COLEC10: variants seen among roughly 807,000 people sequenced by gnomAD.
COLEC10 encodes the protein collectin-10.
COLEC10 carries 22 observed loss-of-function variants against 28.4 expected under a neutral mutation model. The ratio of observed to expected loss-of-function variants is 0.78; its 90% CI spans 0.55 to 1.11. The LOEUF (loss-of-function observed/expected upper bound fraction) is 1.11, where lower values mean the gene tolerates loss of function less well. Among genes scored for constraint, COLEC10 ranks in the 50% least tolerant of loss-of-function variants. COLEC10 has a pLI of 0.00. For synonymous variants in COLEC10, 125 were observed against 116.1 expected, an observed-to-expected ratio of 1.08 and a Z score of -0.49; for missense variants, 361 against 344.1, an observed-to-expected ratio of 1.05 and a Z score of -0.39.
At chr8:119,032,004 G>A (rs1189409379) in intron 2 of COLEC10, among the ~76,000 whole-genome samples, 2 of 152,156 alleles carry the variant, frequency 1.3e-5, no homozygotes, top group African/African-American at 4.8e-5. Context: ...AAAAACCTGT[G>A]AGGTAAATAC....
chr8:119,069,639 T>A (rs1215295681), intron 1 of COLEC10, among the ~76,000 whole-genome samples: 1,474 of 57,266 alleles, frequency 0.026, 19 homozygotes, highest in African/African-American at 0.049. Context: ...AATATATATA[T>A]ATATATATAT....
intron 2 of COLEC10, among the ~76,000 whole-genome samples, chr8:119,059,619 G>A (rs1392737764): frequency 6.6e-6 from 1 of 151,992 alleles, no homozygotes; most frequent in South Asian, 2.1e-4. Context: ...AAAGTTGGTG[G>A]ATTTTCTTGC....
the COLEC10 span, among the ~76,000 whole-genome samples, chr8:118,952,991 C>T: frequency 6.6e-6 from 1 of 152,158 alleles, no homozygotes; most frequent in Non-Finnish European, 1.5e-5. Context: ...TATATGTCTC[C>T]AGAGAAGGGC....
chr8:119,076,865 A>G (rs1006446756), intron 1 of COLEC10, among the ~76,000 whole-genome samples: 2 of 152,232 alleles, frequency 1.3e-5, no homozygotes, highest in African/African-American at 4.8e-5. Flanking sequence ...CATATGTCCA[A>G]TGGGAAGTTG....
chr8:118,960,141 T>C, the COLEC10 span, among the ~76,000 whole-genome samples: 1 of 151,752 alleles, frequency 6.6e-6, no homozygotes, highest in Admixed American at 6.6e-5. Context: ...GGATAAGAGT[T>C]GGGGGTAGGG....
chr8:118,997,254 G>A (rs750208964), intron 1 of COLEC10, among the ~76,000 whole-genome samples: 2 of 151,988 alleles, frequency 1.3e-5, no homozygotes, highest in Non-Finnish European at 2.9e-5. Context: ...CAATTACTTA[G>A]GTCATATTTT....
At chr8:119,001,544 G>A (rs142193635) in intron 1 of COLEC10, among the ~76,000 whole-genome samples, 2 of 152,218 alleles carry the variant, frequency 1.3e-5, no homozygotes, top group African/African-American at 2.4e-5. Flanking sequence ...CAGTGATGTG[G>A]CAACTATAAT....
intron 1 of COLEC10, among the ~76,000 whole-genome samples, chr8:118,999,079 T>A: frequency 6.6e-6 from 1 of 152,040 alleles, no homozygotes; most frequent in East Asian, 1.9e-4. Context: ...GTGTCCAAGG[T>A]CACACAGTAT....
chr8:119,020,672 A>G (rs1030454779), intron 2 of COLEC10, among the ~76,000 whole-genome samples: 1 of 152,196 alleles, frequency 6.6e-6, no homozygotes, highest in African/African-American at 2.4e-5. Flanking sequence ...TATCATGGAC[A>G]CAAATATCAG....
At chr8:119,095,692 A>G (rs901910610) in intron 3 of COLEC10, among the ~76,000 whole-genome samples, 2 of 152,190 alleles carry the variant, frequency 1.3e-5, no homozygotes, top group African/African-American at 2.4e-5. Context: ...ACAGAGTGAG[A>G]TTCTATCTCA....
At position 119,091,230 on chromosome 8, in the gene COLEC10, A is replaced by G; in HGVS notation, c.292+10A>G. ...CCCATTGGGAAGAAGGGTAAGTTGC[A>G]TCTTACTATTCTCCAGTAGCAATTC... On this transcript the variant is annotated intron_variant, in intron 3 of 5. Transcript: ENST00000332843. 1.2e-6 allele frequency: 2 copies of G among 1,606,614 alleles called. No individual in the cohort carries two copies. The highest frequency in any genetic ancestry group is 1.7e-6 in the Non-Finnish European group (2 of 1,173,888).
At chr8:118,966,391 C>A in the COLEC10 span, among the ~76,000 whole-genome samples, 2 of 152,034 alleles carry the variant, frequency 1.3e-5, no homozygotes, top group Non-Finnish European at 2.9e-5. Flanking sequence ...CCTACTGTAA[C>A]AACAACGAAA....
At chr8:118,989,578 C>CACACACACACA in the COLEC10 span, among the ~76,000 whole-genome samples, 1 of 139,180 alleles carries the variant, frequency 7.2e-6, no homozygotes, top group African/African-American at 3.2e-5. Context: ...CACACACACA[C>CACACACACACA]CCCTACCTAC....
intron 1 of COLEC10, among the ~76,000 whole-genome samples, chr8:119,088,036 A>C (rs890715966): frequency 6.6e-6 from 1 of 152,118 alleles, no homozygotes; most frequent in Non-Finnish European, 1.5e-5. Context: ...AATCTACAGG[A>C]GGATCACTTG....
intron 1 of COLEC10, among the ~76,000 whole-genome samples, chr8:119,007,908 T>C (rs1813833401): frequency 6.6e-6 from 1 of 150,800 alleles, no homozygotes; most frequent in South Asian, 2.1e-4. Context: ...TCTTCATAGG[T>C]TTTCATGAGA....
intron 2 of COLEC10, among the ~76,000 whole-genome samples, chr8:119,031,745 A>T (rs1814292607): frequency 6.6e-6 from 1 of 152,216 alleles, no homozygotes; most frequent in African/African-American, 2.4e-5. Flanking sequence ...TTTAATAATT[A>T]GTTCAAAGGA....
At chr8:119,100,491 T>C (rs1453200130) in intron 3 of COLEC10, among the ~76,000 whole-genome samples, 1 of 152,216 alleles carries the variant, frequency 6.6e-6, no homozygotes, top group Non-Finnish European at 1.5e-5. Context: ...ATAAGGAATT[T>C]GCAGGATATA....
chr8:119,108,021 A>G lies in COLEC10; in HGVS notation c.*1830A>G, dbSNP rs1196290051. Among the ~76,000 whole-genome samples the G allele has an allele frequency of 6.6e-6, 1 of 152,212 alleles. No homozygotes were observed. Among genetic ancestry groups the G allele is most frequent in the Non-Finnish European group, 1.5e-5 (1 of 68,030 alleles). ...GGTTCTAACCAAATAGAATGTCATT[A>G]GGATATGATGACATGAAAGTCAAGA... is the stretch of plus-strand genomic sequence containing the variant. On this transcript the variant is annotated 3_prime_UTR_variant, in exon 6 of 6. Coordinates refer to ENST00000332843, the MANE Select transcript of COLEC10 (RefSeq NM_006438.5).
the COLEC10 span, among the ~76,000 whole-genome samples, chr8:118,980,865 G>A: frequency 6.6e-6 from 1 of 151,902 alleles, no homozygotes; most frequent in South Asian, 2.1e-4. Context: ...GCTCAAATGT[G>A]TGTTTTTTTG....
Sources: allele counts gnomAD v4.1 joint callset (sites outside exome capture counted in the v4.1 genomes callset), GRCh38; gene constraint gnomAD v4.1.1; transcripts MANE v1.5; gene names NCBI Gene and HGNC (gene_info 2026-07-23, HGNC 2026-07-21).